STXBP3: variants seen among roughly 807,000 people sequenced by gnomAD.
STXBP3 encodes syntaxin-binding protein 3.
In STXBP3, 41 loss-of-function variants were observed where a neutral mutation model predicts 85.7. That is an observed-to-expected ratio of 0.48 (90% CI 0.37 to 0.62). The LOEUF is 0.62. Among genes scored for constraint, STXBP3 ranks in the 20% least tolerant of loss-of-function variants. The probability of loss-of-function intolerance (pLI) is 0.00; values close to 1 mark genes in which losing one functional copy is unlikely to be tolerated. For missense variants in STXBP3, 563 were observed against 703.1 expected (o/e 0.80, Z 2.25); for synonymous variants, 229 against 231.7 (o/e 0.99, Z 0.10).
At chr1:108,772,601 T>C (rs1413976206) in intron 6 of STXBP3, 64 bp from the exon 7 acceptor site, 3 of 801,058 alleles carry the variant, frequency 3.7e-6, no homozygotes, top group Non-Finnish European at 3.2e-6. Flanking sequence ...AACATAAATA[T>C]AAATATATAT....
rs184793731 is a variant in STXBP3, at chr1:108,807,291, T to C, written c.1536-110T>C. Reference sequence around the variant, plus strand: ...AAAAAAAAAAAAAAAATCAATGTAATTGGTAGCAAGTTTGAGTTTGGTTGA... The same window carrying C: ...AAAAAAAAAAAAAAAATCAATGTAACTGGTAGCAAGTTTGAGTTTGGTTGA... On this transcript the variant is annotated intron_variant, in intron 17 of 18. Transcript: ENST00000370008. 290 of 1,103,168 alleles carry C rather than the reference T, an allele frequency of 2.6e-4. No individual in the cohort carries two copies. The African/African-American group carries it at 4.3e-3, about 16-fold the overall frequency. 68.3% of individuals were successfully genotyped at this position (1,103,168 alleles called of 1,614,324 possible). A position where few individuals can be genotyped will look rare whatever the true frequency, so the allele number is the denominator to read the frequency against.
At chr1:108,793,501 G>A (rs1342829464) in intron 11 of STXBP3, 81 bp from the exon 12 acceptor site, 1 of 1,237,424 alleles carries the variant, frequency 8.1e-7, no homozygotes, top group South Asian at 1.4e-5. Context: ...TTGATAATTT[G>A]TAAAACTCTA....
intron 13 of STXBP3, 30 bp downstream of exon 13, chr1:108,794,937 C>A: frequency 1.3e-6 from 2 of 1,557,412 alleles, no homozygotes; most frequent in South Asian, 2.3e-5. Context: ...TGCCTCTGTT[C>A]ATAACAAATT....
rs1445462437 is a variant in STXBP3 at position 108,753,145 on chromosome 1, G to A, written c.181+1G>A. The A allele has an allele frequency of 1.3e-6, 2 of 1,572,474 alleles. No individual in the cohort carries two copies. Among genetic ancestry groups the A allele is most frequent in the East Asian group, 2.3e-5 (1 of 43,204 alleles). ...GATCTTCTAGAAGAAGGTATTACTG[G>A]TAAGTGTTATTCTTGGCATGAACAC... On this transcript the variant is annotated splice_donor_variant, in intron 3 of 18. Transcript: ENST00000370008. LOFTEE classifies it high-confidence loss of function.
At chr1:108,805,840 C>T (rs983186484) in intron 17 of STXBP3, among the ~76,000 whole-genome samples, 1 of 152,070 alleles carries the variant, frequency 6.6e-6, no homozygotes, top group Admixed American at 6.6e-5. Context: ...GGCTGTAGTG[C>T]CCTGTGATGA....
chr1:108,784,768 C>G (rs1389713982), intron 11 of STXBP3, among the ~76,000 whole-genome samples: 1 of 152,152 alleles, frequency 6.6e-6, no homozygotes, highest in Non-Finnish European at 1.5e-5. Context: ...TAGTTACTTC[C>G]TAGATACAAT....
chr1:108,767,181 C>T (rs1294203736), intron 6 of STXBP3: 1 of 250,356 alleles, frequency 4.0e-6, no homozygotes, highest in East Asian at 1.3e-4. Flanking sequence ...GTCTGTCTGA[C>T]CCCATTCATT....
At chr1:108,792,455 A>C (rs1180146374) in intron 11 of STXBP3, among the ~76,000 whole-genome samples, 1 of 152,210 alleles carries the variant, frequency 6.6e-6, no homozygotes, top group Non-Finnish European at 1.5e-5. Context: ...TGTAATGATC[A>C]AATCATTGTA....
At chr1:108,782,125 A>C (rs1157591032) in intron 9 of STXBP3, 1 of 266,806 alleles carries the variant, frequency 3.7e-6, no homozygotes, top group Non-Finnish European at 7.1e-6. Context: ...CTTGTTCTTA[A>C]AGTTAACTGT....
At chr1:108,761,914 A>C (rs988699373) in intron 6 of STXBP3, among the ~76,000 whole-genome samples, 2 of 152,184 alleles carry the variant, frequency 1.3e-5, no homozygotes, top group Non-Finnish European at 2.9e-5. Context: ...CAAAGGTTGC[A>C]GTGAGCCGAG....
At chr1:108,748,553 C>T (rs181614417) in intron 1 of STXBP3, among the ~76,000 whole-genome samples, 57 of 151,520 alleles carry the variant, frequency 3.8e-4, no homozygotes, top group Non-Finnish European at 6.0e-4. Context: ...AGCGTAAGCC[C>T]GGGCACAGTG....
chr1:108,799,947 A>C (rs974535800), intron 16 of STXBP3, among the ~76,000 whole-genome samples: 2 of 152,288 alleles, frequency 1.3e-5, no homozygotes, highest in African/African-American at 4.8e-5. Context: ...ATAGAACTAA[A>C]GGCTCTGATA....
chr1:108,793,164 T>TTTCTTTTTTTTTC (rs771277582), intron 11 of STXBP3, among the ~76,000 whole-genome samples: 1 of 142,374 alleles, frequency 7.0e-6, no homozygotes, highest in African/African-American at 2.6e-5. Context: ...TCCATTTTTT[T>TTTCTTTTTTTTTC]TTTTTTTTTT....
chr1:108,752,482 T>C (rs1661925728), intron 2 of STXBP3, among the ~76,000 whole-genome samples, 176 bp downstream of exon 2: 1 of 152,194 alleles, frequency 6.6e-6, no homozygotes, highest in South Asian at 2.1e-4. Flanking sequence ...CACTATTTTA[T>C]ATAAGAGATT....
chr1:108,787,469 C>G (rs934678215), intron 11 of STXBP3, among the ~76,000 whole-genome samples: 3 of 152,036 alleles, frequency 2.0e-5, no homozygotes, highest in African/African-American at 7.2e-5. Context: ...TGGCTTCAGG[C>G]TGCAAAAAGC....
chr1:108,746,735 A>C lies in STXBP3; in HGVS notation c.-3A>C. 1 of 1,550,048 alleles carries C rather than the reference A, an allele frequency of 6.5e-7. No individual in the cohort carries two copies. Among genetic ancestry groups the C allele is most frequent in the East Asian group, 2.5e-5 (1 of 40,764 alleles). On this transcript the variant is annotated 5_prime_UTR_variant, in exon 1 of 19. Coordinates refer to ENST00000370008, the MANE Select transcript of STXBP3 (RefSeq NM_007269.4). ...GTGGCTGCTGCTCCGCAGTGTCGGG[A>C]AGATGGCGCCGCCGGTGGCAGAGAG...
intron 11 of STXBP3, among the ~76,000 whole-genome samples, chr1:108,786,641 A>G (rs915146876): frequency 2.0e-5 from 3 of 152,210 alleles, no homozygotes; most frequent in African/African-American, 4.8e-5. Flanking sequence ...TCCATGGTCA[A>G]TTTGTCTATC....
At chr1:108,790,364 G>T (rs748291370) in intron 11 of STXBP3, among the ~76,000 whole-genome samples, 17 of 152,042 alleles carry the variant, frequency 1.1e-4, no homozygotes, top group African/African-American at 4.1e-4. Flanking sequence ...TTGTCTTGAG[G>T]TCTACTTTGA....
At chr1:108,794,964 T>G in intron 13 of STXBP3, 57 bp downstream of exon 13, 1 of 1,479,890 alleles carries the variant, frequency 6.8e-7, no homozygotes. Context: ...ATAAACTTTG[T>G]AAGTTAAAAC....
Sources: gnomAD v4.1 joint callset for allele counts (sites outside exome capture counted in the v4.1 genomes callset) on GRCh38, gnomAD v4.1.1 for gene constraint, MANE v1.5 for transcripts, NCBI Gene and HGNC (gene_info 2026-07-23, HGNC 2026-07-21) for gene names.